Variants in GPR39 observed in about 807,000 individuals in gnomAD.
The protein encoded by GPR39 is zinc sensing receptor.
In GPR39, 23 loss-of-function variants were observed where a neutral mutation model predicts 18.4. That is an observed-to-expected ratio of 1.25 (90% CI 0.90 to 1.77). GPR39 has a LOEUF of 1.77. Among genes scored for constraint, GPR39 ranks in the 40% most tolerant of loss-of-function variants. The pLI, the probability that GPR39 is intolerant of heterozygous loss-of-function variation, is 0.00. For missense variants in GPR39, 647 were observed against 602.4 expected (o/e 1.07, Z -0.78); for synonymous variants, 280 against 257.9 (o/e 1.09, Z -0.82).
At chr2:132,587,792 C>A (rs556226635) in intron 1 of GPR39, among the ~76,000 whole-genome samples, 1 of 152,342 alleles carries the variant, frequency 6.6e-6, no homozygotes, top group South Asian at 2.1e-4. Context: ...GCCTCAGCCT[C>A]CCAAAGTGCT....
intron 1 of GPR39, among the ~76,000 whole-genome samples, chr2:132,455,597 T>A (rs1262044252): frequency 2.6e-5 from 4 of 152,242 alleles, no homozygotes; most frequent in African/African-American, 9.6e-5. Flanking sequence ...CGATCTTTCC[T>A]GCTTTCTCTT....
rs55653432 is a variant in GPR39 at position 132,561,577 on chromosome 2, T to TACACAC, written c.857-83490_857-83485dup. 5.9e-3 allele frequency among the ~76,000 whole-genome samples: 870 copies of TACACAC among 147,964 alleles called. 3 individuals carry two copies. The highest frequency in any genetic ancestry group is 0.012 in the African/African-American group (488 of 40,116). ...GAAATAAAATCATTGAATATGAGTGTACACACACACACACACACACACACA... is the reference window on the plus strand; with the variant it reads ...GAAATAAAATCATTGAATATGAGTGTACACACACACACACACACACACACACACACA... On this transcript the variant is annotated intron_variant, in intron 1 of 1. Coordinates refer to ENST00000329321, the MANE Select transcript of GPR39 (RefSeq NM_001508.3).
chr2:132,421,827 G>GA (rs1553446434), intron 1 of GPR39, among the ~76,000 whole-genome samples: 1 of 151,546 alleles, frequency 6.6e-6, no homozygotes, highest in Admixed American at 6.6e-5. Flanking sequence ...GGAAGAAGAA[G>GA]AGAGAGAAGA....
intron 1 of GPR39, among the ~76,000 whole-genome samples, chr2:132,494,597 G>A (rs1206286661): frequency 1.3e-5 from 2 of 152,118 alleles, no homozygotes; most frequent in Non-Finnish European, 2.9e-5. Flanking sequence ...ACTATGCCCT[G>A]TTTTATGTTT....
At chr2:132,474,816 C>A (rs1681096373) in intron 1 of GPR39, among the ~76,000 whole-genome samples, 1 of 152,190 alleles carries the variant, frequency 6.6e-6, no homozygotes, top group African/African-American at 2.4e-5. Context: ...ATATTCATGG[C>A]AATTCCTGCC....
intron 1 of GPR39, among the ~76,000 whole-genome samples, chr2:132,641,074 T>C (rs1681849013): frequency 6.6e-6 from 1 of 152,134 alleles, no homozygotes. Flanking sequence ...CCAGCCATTT[T>C]CCCCACCTCC....
intron 1 of GPR39, among the ~76,000 whole-genome samples, chr2:132,568,733 TC>T (rs1326332529): frequency 1.3e-5 from 2 of 151,962 alleles, no homozygotes; most frequent in East Asian, 3.9e-4. Flanking sequence ...AACAGTGTCA[TC>T]GAGCTGCTAA....
At chr2:132,552,804 G>A (rs1680066880) in intron 1 of GPR39, among the ~76,000 whole-genome samples, 2 of 141,058 alleles carry the variant, frequency 1.4e-5, no homozygotes, top group Non-Finnish European at 3.0e-5. Context: ...ATATGTGTGT[G>A]TGTGTGTGTG....
chr2:132,546,488 A>G (rs565744310), intron 1 of GPR39, among the ~76,000 whole-genome samples: 157 of 152,328 alleles, frequency 1.0e-3, no homozygotes, highest in African/African-American at 3.7e-3. Flanking sequence ...GTTGTAGTCC[A>G]GCCTAGCTGA....
chr2:132,493,259 T>C, intron 1 of GPR39, among the ~76,000 whole-genome samples: 1 of 145,018 alleles, frequency 6.9e-6, no homozygotes, highest in Admixed American at 6.9e-5. Flanking sequence ...ATACACCATA[T>C]ATATACCATA....
At chr2:132,617,351 C>T (rs145981333) in intron 1 of GPR39, among the ~76,000 whole-genome samples, 260 of 152,042 alleles carry the variant, frequency 1.7e-3, no homozygotes, top group Middle Eastern at 3.4e-3. Flanking sequence ...GCTGAGCAGG[C>T]TTTCTTTTTA....
intron 1 of GPR39, among the ~76,000 whole-genome samples, chr2:132,568,338 A>G (rs749666655): frequency 2.6e-5 from 4 of 151,958 alleles, no homozygotes; most frequent in Non-Finnish European, 4.4e-5. Flanking sequence ...CATTGCAGCT[A>G]TCTTTTGACT....
intron 1 of GPR39, among the ~76,000 whole-genome samples, chr2:132,468,599 T>C (rs1395319856): frequency 6.6e-6 from 1 of 152,198 alleles, no homozygotes; most frequent in Non-Finnish European, 1.5e-5. Flanking sequence ...ACTGAGAGGT[T>C]GGGCCCTATA....
chr2:132,446,317 T>C (rs1289740312), intron 1 of GPR39, among the ~76,000 whole-genome samples: 1 of 152,204 alleles, frequency 6.6e-6, no homozygotes, highest in Non-Finnish European at 1.5e-5. Flanking sequence ...AGAAATGGTC[T>C]CCACCTTCCA....
At chr2:132,424,760 G>A (rs904404305) in intron 1 of GPR39, among the ~76,000 whole-genome samples, 2 of 152,186 alleles carry the variant, frequency 1.3e-5, no homozygotes, top group Admixed American at 6.5e-5. Context: ...TTGGGTCAAA[G>A]TACAGGCCTG....
intron 1 of GPR39, among the ~76,000 whole-genome samples, chr2:132,493,410 C>G (rs1433739926): frequency 6.9e-6 from 1 of 144,688 alleles, no homozygotes; most frequent in Non-Finnish European, 1.5e-5. Context: ...TATATATACA[C>G]TATATATACA....
At chr2:132,586,556 A>G (rs1020647433) in intron 1 of GPR39, among the ~76,000 whole-genome samples, 3 of 152,180 alleles carry the variant, frequency 2.0e-5, no homozygotes, top group Admixed American at 1.3e-4. Flanking sequence ...CCTGACATCA[A>G]TTTAGCAACA....
intron 1 of GPR39, among the ~76,000 whole-genome samples, chr2:132,494,484 C>G (rs1681599978): frequency 6.6e-6 from 1 of 152,152 alleles, no homozygotes; most frequent in Non-Finnish European, 1.5e-5. Flanking sequence ...CTTTATCACA[C>G]AAGGCTTCTA....
intron 1 of GPR39, among the ~76,000 whole-genome samples, chr2:132,553,837 C>T (rs1680098548): frequency 6.6e-6 from 1 of 152,158 alleles, no homozygotes; most frequent in South Asian, 2.1e-4. Context: ...ACCCAGTGAG[C>T]ATGAGTCCTT....
Sources: allele counts gnomAD v4.1 joint callset (sites outside exome capture counted in the v4.1 genomes callset), GRCh38; gene constraint gnomAD v4.1.1; transcripts MANE v1.5; gene names NCBI Gene and HGNC (gene_info 2026-07-23, HGNC 2026-07-21).